Variants in TPP2 observed in about 807,000 individuals in gnomAD.
TPP2 encodes the protein tripeptidyl-peptidase 2.
A neutral mutation model predicts 155.9 loss-of-function variants in TPP2; 34 were observed. The observed-to-expected ratio is 0.22, with a 90% CI of 0.17 to 0.29. The LOEUF is 0.29. Ranked by LOEUF, TPP2 falls within the 10% of genes least tolerant of loss-of-function variation. The probability of loss-of-function intolerance (pLI) is 1.00; values close to 1 mark genes in which losing one functional copy is unlikely to be tolerated. For synonymous variants in TPP2, 510 were observed against 529.4 expected, an observed-to-expected ratio of 0.96 and a Z score of 0.50; for missense variants, 1,028 against 1,522.3, an observed-to-expected ratio of 0.68 and a Z score of 5.40.
intron 28 of TPP2, among the ~76,000 whole-genome samples, chr13:102,675,545 CAA>C (rs1885232656): frequency 6.6e-6 from 1 of 152,182 alleles, no homozygotes; most frequent in African/African-American, 2.4e-5. Flanking sequence ...GCCTATGTGC[CAA>C]ACACTACTTA....
chr13:102,641,298 C>G (rs569515600), intron 16 of TPP2, among the ~76,000 whole-genome samples: 1 of 152,156 alleles, frequency 6.6e-6, no homozygotes, highest in East Asian at 1.9e-4. Flanking sequence ...TAGAAGGAAG[C>G]AAATACGGGC....
chr13:102,664,472 A>C (rs1292782076), intron 26 of TPP2, among the ~76,000 whole-genome samples: 1 of 152,124 alleles, frequency 6.6e-6, no homozygotes, highest in African/African-American at 2.4e-5. Flanking sequence ...GAATCTTAAG[A>C]AATACAGAAA....
chr13:102,646,455 G>C, intron 20 of TPP2, 65 bp downstream of exon 20: 1 of 1,313,914 alleles, frequency 7.6e-7, no homozygotes, highest in African/African-American at 1.5e-5. Context: ...ATGATTCATA[G>C]AATCAAAAAT....
chr13:102,645,578 C>T (rs950682378), intron 19 of TPP2, among the ~76,000 whole-genome samples: 43 of 152,120 alleles, frequency 2.8e-4, no homozygotes, highest in African/African-American at 9.2e-4. Context: ...GTCAGTGACA[C>T]GGTGATGTCT....
chr13:102,623,896 A>G (rs1881354214), intron 6 of TPP2, among the ~76,000 whole-genome samples: 1 of 152,166 alleles, frequency 6.6e-6, no homozygotes, highest in Non-Finnish European at 1.5e-5. Flanking sequence ...ATGTGCTTTC[A>G]GCATCTCTAC....
intron 10 of TPP2, among the ~76,000 whole-genome samples, chr13:102,632,367 A>G (rs1882075915): frequency 6.6e-6 from 1 of 151,474 alleles, no homozygotes. Flanking sequence ...TCAGCCTCCC[A>G]AGTAGCTGGA....
chr13:102,611,749 G>T (rs1880339852), intron 2 of TPP2, among the ~76,000 whole-genome samples: 1 of 152,226 alleles, frequency 6.6e-6, no homozygotes, highest in Admixed American at 6.5e-5. Flanking sequence ...ATATTTCTAA[G>T]AAGTGTCACA....
intron 23 of TPP2, among the ~76,000 whole-genome samples, chr13:102,650,623 C>T (rs921852173): frequency 1.3e-5 from 2 of 152,074 alleles, no homozygotes; most frequent in African/African-American, 2.4e-5. Flanking sequence ...AGCTATTGGG[C>T]GTCAGCTGTG....
rs567854101 is a variant in TPP2, at chr13:102,616,318, G to T, written c.391-78G>T. 4.3e-6 allele frequency: 5 copies of T among 1,174,774 alleles called. No homozygotes were observed. The African/African-American group carries it at 4.6e-5, about 11-fold the overall frequency. The allele number at this position is 1,174,774 out of a possible 1,614,324, so 72.8% of individuals were successfully genotyped here. On this transcript the variant is annotated intron_variant, in intron 3 of 29. Transcript: ENST00000376052. ...GTAGTATCACAACTGTACCAACAAA[G>T]TCCACATATAAATGCCTGTCTAGGT...
chr13:102,615,749 G>A (rs990178445), intron 3 of TPP2, among the ~76,000 whole-genome samples: 3 of 152,078 alleles, frequency 2.0e-5, no homozygotes, highest in Non-Finnish European at 4.4e-5. Context: ...AATTTTGTAT[G>A]GGCCCAGAAT....
At chr13:102,619,097 G>A (rs948057443) in intron 5 of TPP2, among the ~76,000 whole-genome samples, 2 of 152,082 alleles carry the variant, frequency 1.3e-5, no homozygotes. Context: ...TTATTAGTAT[G>A]TTGACCATCC....
chr13:102,653,898 T>C (rs1883674075), intron 24 of TPP2, among the ~76,000 whole-genome samples: 2 of 152,200 alleles, frequency 1.3e-5, no homozygotes, highest in Non-Finnish European at 2.9e-5. Flanking sequence ...GCAGGTGAGT[T>C]TGACTTTCTG....
chr13:102,675,858 T>C (rs1885252744), intron 28 of TPP2, among the ~76,000 whole-genome samples: 2 of 152,186 alleles, frequency 1.3e-5, no homozygotes, highest in Non-Finnish European at 2.9e-5. Context: ...TGATTATAAG[T>C]ATATTTGACA....
At chr13:102,669,232 T>C (rs956017335) in intron 27 of TPP2, among the ~76,000 whole-genome samples, 1 of 152,180 alleles carries the variant, frequency 6.6e-6, no homozygotes, top group Non-Finnish European at 1.5e-5. Flanking sequence ...TGTTGCAGGG[T>C]CCTTACTCAT....
Position 102,663,130 on chromosome 13 carries a change from A to T in TPP2, c.3144-518A>T, listed in dbSNP as rs954499393. 5.0e-3 allele frequency among the ~76,000 whole-genome samples: 384 copies of T among 76,520 alleles called. 3 individuals carry two copies. Among genetic ancestry groups the T allele is most frequent in the African/African-American group, 0.027 (357 of 13,284 alleles). The allele number at this position is 76,520 out of a possible 152,430, so 50.2% of individuals were successfully genotyped here. On this transcript the variant is annotated intron_variant, in intron 25 of 29. Transcript: ENST00000376052. ...AATTTTCAGTTTGATTTATTTATTT[A>T]TTTTTTTTAATTAATTAATTAATTT...
rs11272845 is a variant in TPP2, at chr13:102,637,541, C to CTTG, written c.1836+323_1836+325dup. On this transcript the variant is annotated intron_variant, in intron 14 of 29. Coordinates refer to ENST00000376052, the MANE Select transcript of TPP2 (RefSeq NM_001330588.2). Reference sequence around the variant, plus strand: ...TGTCAGCTAAACAAAGCTGCAGTTGCTTGTTGTTGTTGTTGTTGTTGTTTT... The same window carrying CTTG: ...TGTCAGCTAAACAAAGCTGCAGTTGCTTGTTGTTGTTGTTGTTGTTGTTGTTTT... Among the ~76,000 whole-genome samples, 148 of 151,096 alleles carry CTTG rather than the reference C, an allele frequency of 9.8e-4. 1 individual carries two copies. The highest frequency in any genetic ancestry group is 1.5e-3 in the Non-Finnish European group (103 of 67,718).
chr13:102,654,996 C>T, intron 24 of TPP2: 2 of 509,830 alleles, frequency 3.9e-6, no homozygotes, highest in Non-Finnish European at 7.8e-6. Context: ...TTTTCCCAGT[C>T]TCATGTTTCA....
chr13:102,599,334 G>A (rs1240955971), intron 1 of TPP2, among the ~76,000 whole-genome samples: 1 of 152,164 alleles, frequency 6.6e-6, no homozygotes, highest in Non-Finnish European at 1.5e-5. Flanking sequence ...TCAGATATTG[G>A]CCTAAACATA....
intron 27 of TPP2, among the ~76,000 whole-genome samples, chr13:102,672,313 G>A (rs776432886): frequency 1.2e-4 from 19 of 152,038 alleles, no homozygotes; most frequent in Non-Finnish European, 1.5e-4. Flanking sequence ...AAACATTGTC[G>A]ACCCCCCAAG....
Sources: allele counts gnomAD v4.1 joint callset (sites outside exome capture counted in the v4.1 genomes callset), GRCh38; gene constraint gnomAD v4.1.1; transcripts MANE v1.5; gene names NCBI Gene and HGNC (gene_info 2026-07-23, HGNC 2026-07-21).